ARHGAP28: variants seen among roughly 807,000 people sequenced by gnomAD.
ARHGAP28 encodes the protein Rho GTPase activating protein 28.
ARHGAP28 carries 56 observed loss-of-function variants against 90.7 expected under a neutral mutation model. That is an observed-to-expected ratio of 0.62 (90% CI 0.50 to 0.77). The LOEUF is 0.77. Among genes scored for constraint, ARHGAP28 ranks in the 30% least tolerant of loss-of-function variants. The pLI is 0.00. For missense variants in ARHGAP28, 869 were observed against 900.9 expected (o/e 0.96, Z 0.45); for synonymous variants, 308 against 323.3 (o/e 0.95, Z 0.51).
In ARHGAP28 at chr18:6,887,131, T is replaced by G. The variant is rs777432146; in HGVS notation, c.1454-26T>G. The stretch of plus-strand genomic sequence containing the variant: ...GGATGCATCAGGGCTATTTAAAATG[T>G]ATGACTATTTCTGTTTTCTTGTTAG... On this transcript the variant is annotated intron_variant, in intron 11 of 17. Transcript: ENST00000383472. 27 of 1,598,684 alleles carry G rather than the reference T, an allele frequency of 1.7e-5. No homozygotes were observed. The East Asian group carries it at 5.8e-4, about 34-fold the overall frequency.
intron 16 of ARHGAP28, chr18:6,898,244 T>A: frequency 2.4e-6 from 1 of 413,724 alleles, no homozygotes; most frequent in East Asian, 3.9e-5. Flanking sequence ...AGGTAGGGGG[T>A]GGAGGAAGGC....
chr18:6,818,326 G>A (rs143764489), intron 1 of ARHGAP28, among the ~76,000 whole-genome samples: 67 of 152,286 alleles, frequency 4.4e-4, no homozygotes, highest in African/African-American at 1.6e-3. Context: ...ACCTGAGGGG[G>A]CTTTTGAAAT....
At chr18:6,830,668 A>G (rs1224254381) in intron 2 of ARHGAP28, among the ~76,000 whole-genome samples, 1 of 152,220 alleles carries the variant, frequency 6.6e-6, no homozygotes. Flanking sequence ...TTATGGCTGC[A>G]TAGTATTCCA....
At chr18:6,739,576 A>G (rs2143164481) in intron 1 of ARHGAP28, among the ~76,000 whole-genome samples, 1 of 151,254 alleles carries the variant, frequency 6.6e-6, no homozygotes, top group African/African-American at 2.4e-5. Flanking sequence ...ATACTTATTT[A>G]AGACTATATT....
In ARHGAP28 at chr18:6,882,128, G is replaced by A; in HGVS notation, c.1291-9G>A. The A allele has an allele frequency of 6.2e-7, 1 of 1,606,946 alleles. No individual in the cohort carries two copies. Among genetic ancestry groups the A allele is most frequent in the Non-Finnish European group, 8.5e-7 (1 of 1,176,254 alleles). Reference sequence around the variant, plus strand: ...GCATTGAATACTGACTGTTTTCCTTGATTTACAGCAATACCGTGAAGAACT... The same window carrying A: ...GCATTGAATACTGACTGTTTTCCTTAATTTACAGCAATACCGTGAAGAACT... On this transcript the variant is annotated splice_polypyrimidine_tract_variant and intron_variant, in intron 10 of 17. Coordinates refer to ENST00000383472, the MANE Select transcript of ARHGAP28 (RefSeq NM_001366230.1).
chr18:6,885,097 G>A (rs1369016487), intron 11 of ARHGAP28, among the ~76,000 whole-genome samples: 1 of 152,196 alleles, frequency 6.6e-6, no homozygotes, highest in Admixed American at 6.5e-5. Flanking sequence ...ACTGCATGCT[G>A]TATCATCATT....
intron 6 of ARHGAP28, among the ~76,000 whole-genome samples, 157 bp from the exon 7 acceptor site, chr18:6,870,431 CTG>C (rs1339826121): frequency 1.8e-4 from 27 of 152,198 alleles, no homozygotes; most frequent in African/African-American, 6.5e-4. Flanking sequence ...TGTTGTTTAA[CTG>C]AACTCCTCGG....
chr18:6,807,031 A>AT (rs2056523783), intron 1 of ARHGAP28, among the ~76,000 whole-genome samples: 1 of 151,552 alleles, frequency 6.6e-6, no homozygotes. Context: ...TGATTTTACG[A>AT]TTTTTTCTTT....
intron 1 of ARHGAP28, among the ~76,000 whole-genome samples, chr18:6,745,620 G>A (rs1016889980): frequency 6.6e-6 from 1 of 152,128 alleles, no homozygotes; most frequent in Non-Finnish European, 1.5e-5. Context: ...TTTTCTTCAT[G>A]CACTTTGTTC....
intron 15 of ARHGAP28, among the ~76,000 whole-genome samples, chr18:6,896,102 A>G (rs969483842): frequency 1.3e-5 from 2 of 152,196 alleles, no homozygotes; most frequent in South Asian, 4.1e-4. Flanking sequence ...GAGAAGCCAT[A>G]TTTTCTAACT....
chr18:6,862,641 G>C (rs912206032), intron 5 of ARHGAP28, among the ~76,000 whole-genome samples: 1 of 152,040 alleles, frequency 6.6e-6, no homozygotes, highest in African/African-American at 2.4e-5. Context: ...GCCCTTCTTA[G>C]AAATTTTTTC....
At chr18:6,757,147 T>C (rs2056117574) in intron 1 of ARHGAP28, among the ~76,000 whole-genome samples, 1 of 152,126 alleles carries the variant, frequency 6.6e-6, no homozygotes, top group African/African-American at 2.4e-5. Context: ...TTTCTAACCG[T>C]TTGCAAAGAA....
At chr18:6,834,460 G>T (rs1171152419) in intron 2 of ARHGAP28, 1 of 152,210 alleles carries the variant, frequency 6.6e-6, no homozygotes, top group East Asian at 1.9e-4. Context: ...AGAATGTTGA[G>T]TTTTTGAGGA....
chr18:6,797,342 A>C (rs1399500603), intron 1 of ARHGAP28, among the ~76,000 whole-genome samples: 2 of 152,234 alleles, frequency 1.3e-5, no homozygotes, highest in African/African-American at 4.8e-5. Context: ...TGCCAACTCA[A>C]GGATTTCCGC....
chr18:6,738,640 G>A (rs2055948895), intron 1 of ARHGAP28, among the ~76,000 whole-genome samples: 1 of 152,048 alleles, frequency 6.6e-6, no homozygotes, highest in Admixed American at 6.6e-5. Context: ...CTGTGATATT[G>A]GATTTATTTC....
At chr18:6,893,874 T>TC (rs1427972245) in intron 14 of ARHGAP28, among the ~76,000 whole-genome samples, 2 of 149,494 alleles carry the variant, frequency 1.3e-5, no homozygotes, top group Admixed American at 1.3e-4. Flanking sequence ...TTGGTTTTTT[T>TC]TTTTTTTTTT....
chr18:6,873,141 T>C (rs2057103040), intron 7 of ARHGAP28, among the ~76,000 whole-genome samples: 1 of 152,232 alleles, frequency 6.6e-6, no homozygotes. Context: ...TATTGGGTGT[T>C]CCTTATAAAG....
Position 6,780,695 on chromosome 18 carries a change from C to A in ARHGAP28, c.123-44067C>A, listed in dbSNP as rs552163826. Among the ~76,000 whole-genome samples the A allele has an allele frequency of 4.6e-5, 7 of 152,164 alleles. No individual in the cohort carries two copies. In the East Asian group the frequency reaches 1.4e-3, roughly 29 times the overall value. ...CCTGAGGTCAGGAGTTCGAGACCAG[C>A]CTGCCCAAGATAGCAAAACCCCGTC... On this transcript the variant is annotated intron_variant, in intron 1 of 17. Transcript: ENST00000383472.
At chr18:6,849,566 A>T (rs1008597744) in intron 3 of ARHGAP28, among the ~76,000 whole-genome samples, 1 of 152,228 alleles carries the variant, frequency 6.6e-6, no homozygotes, top group Non-Finnish European at 1.5e-5. Context: ...ATGTCTCTGG[A>T]TACTAAATTT....
Sources: gnomAD v4.1 joint callset for allele counts (sites outside exome capture counted in the v4.1 genomes callset) on GRCh38, gnomAD v4.1.1 for gene constraint, MANE v1.5 for transcripts, NCBI Gene and HGNC (gene_info 2026-07-23, HGNC 2026-07-21) for gene names.